The following FMNL2 variants were observed in gnomAD, a reference collection of about 807,000 sequenced individuals.
FMNL2 encodes the protein formin-like protein 2.
Under a neutral mutation model 130.2 loss-of-function variants are expected in FMNL2, and 51 were observed. The ratio of observed to expected loss-of-function variants is 0.39; its 90% CI spans 0.31 to 0.49. FMNL2 has a LOEUF of 0.49. Among genes scored for constraint, FMNL2 ranks in the 20% least tolerant of loss-of-function variants. The pLI, the probability that FMNL2 is intolerant of heterozygous loss-of-function variation, is 0.85. For missense variants in FMNL2, 977 were observed against 1,316.2 expected, an observed-to-expected ratio of 0.74 and a Z score of 3.99; for synonymous variants, 465 against 467.1, an observed-to-expected ratio of 1.00 and a Z score of 0.06.
At chr2:152,641,562 T>C (rs1273047302) in intron 25 of FMNL2, among the ~76,000 whole-genome samples, 2 of 152,242 alleles carry the variant, frequency 1.3e-5, no homozygotes, top group Non-Finnish European at 2.9e-5. Flanking sequence ...TGCACATGAA[T>C]GTTGCTTATA....
Position 152,561,001 on chromosome 2 carries a change from A to G in FMNL2, c.562A>G (p.Ser188Gly). Residue 188 changes from serine (S) to glycine (G), a missense_variant, in exon 6 of 26, where the codon AGT becomes GGT. Ser to Gly is a moderately conservative substitution (Grantham distance 56). Transcript: ENST00000288670. ...GSNLPSPVGN[S>G]VSRSGRHSAL... is the part of the protein sequence containing the mutation. ...CAACCTGCCCTCACCTGTGGGCAAC[A>G]GTGTCTCCCGCTCTGGAAGACATTC... 8 of 1,603,718 alleles carry G rather than the reference A, an allele frequency of 5.0e-6. No individual in the cohort carries two copies. Among genetic ancestry groups the G allele is most frequent in the Non-Finnish European group, 6.8e-6 (8 of 1,174,934 alleles).
chr2:152,601,667 C>CTTTTTTTT (rs36031692), intron 9 of FMNL2, among the ~76,000 whole-genome samples: 2 of 132,240 alleles, frequency 1.5e-5, no homozygotes, highest in Non-Finnish European at 3.1e-5. Context: ...CTTTTCTTTT[C>CTTTTTTTT]TTTCTTTTTT....
chr2:152,405,196 CT>C (rs1685917419), intron 1 of FMNL2, among the ~76,000 whole-genome samples: 1 of 152,128 alleles, frequency 6.6e-6, no homozygotes, highest in South Asian at 2.1e-4. Flanking sequence ...GTTTTTACTC[CT>C]TTGGCTATAA....
chr2:152,471,866 A>G (rs1232858106), intron 1 of FMNL2, among the ~76,000 whole-genome samples: 1 of 152,132 alleles, frequency 6.6e-6, no homozygotes, highest in African/African-American at 2.4e-5. Flanking sequence ...GCATAATGAA[A>G]GCTTTTGAAA....
At chr2:152,341,370 GT>G (rs1194756874) in intron 1 of FMNL2, among the ~76,000 whole-genome samples, 5 of 152,210 alleles carry the variant, frequency 3.3e-5, no homozygotes, top group Non-Finnish European at 5.9e-5. Flanking sequence ...TAGGATAGAA[GT>G]TGATCAAATG....
intron 1 of FMNL2, among the ~76,000 whole-genome samples, chr2:152,397,104 G>A (rs73967856): frequency 0.14 from 21,117 of 152,152 alleles, 1,771 homozygotes; most frequent in African/African-American, 0.21. Context: ...TTAAGGTTAC[G>A]TGTATTTTGG....
intron 15 of FMNL2, chr2:152,621,189 G>A (rs1429014231): frequency 1.1e-6 from 1 of 946,160 alleles, no homozygotes; most frequent in Admixed American, 6.2e-5. Context: ...GCTGTGAGAT[G>A]TGTCTGCTGT....
At position 152,648,867 on chromosome 2, in the gene FMNL2, G is replaced by C. The variant is rs1434428922; in HGVS notation, c.*962G>C. 6.6e-6 allele frequency: 1 copy of C among 152,568 alleles called. No individual in the cohort carries two copies. The highest frequency in any genetic ancestry group is 1.5e-5 in the Non-Finnish European group (1 of 68,034). 9.5% of individuals were successfully genotyped at this position (152,568 alleles called of 1,614,324 possible). ...CGTGTATCGAGGCTAAGTTTTTCAT[G>C]CATTTCCCAGACTACTTATGGAGAA... On this transcript the variant is annotated 3_prime_UTR_variant, in exon 26 of 26. Coordinates refer to ENST00000288670, the MANE Select transcript of FMNL2 (RefSeq NM_052905.4).
At chr2:152,397,655 CTT>C in intron 1 of FMNL2, among the ~76,000 whole-genome samples, 1 of 151,410 alleles carries the variant, frequency 6.6e-6, no homozygotes, top group African/African-American at 2.4e-5. Context: ...TCTCTTCCTC[CTT>C]TTTTTTTCTT....
intron 1 of FMNL2, among the ~76,000 whole-genome samples, chr2:152,440,885 T>G (rs1688014875): frequency 6.6e-6 from 1 of 152,238 alleles, no homozygotes. Flanking sequence ...GAAATATGAC[T>G]AAATCTTGCC....
intron 4 of FMNL2, among the ~76,000 whole-genome samples, 159 bp downstream of exon 4, chr2:152,549,256 G>GC (rs5835433): frequency 0.41 from 62,994 of 151,912 alleles, 13,613 homozygotes; most frequent in Admixed American, 0.52. Flanking sequence ...ATTACTTACT[G>GC]CCCAAGAATC....
chr2:152,344,266 A>G (rs1681980394), intron 1 of FMNL2, among the ~76,000 whole-genome samples: 1 of 152,194 alleles, frequency 6.6e-6, no homozygotes, highest in African/African-American at 2.4e-5. Flanking sequence ...AAAGCTCCCT[A>G]GAAGGTTTGA....
At chr2:152,436,201 T>C (rs1687753573) in intron 1 of FMNL2, among the ~76,000 whole-genome samples, 1 of 152,094 alleles carries the variant, frequency 6.6e-6, no homozygotes, top group Admixed American at 6.6e-5. Flanking sequence ...GGTCTGGCTT[T>C]ATCACCCAGG....
At chr2:152,470,765 C>T (rs1007364345) in intron 1 of FMNL2, among the ~76,000 whole-genome samples, 5 of 152,068 alleles carry the variant, frequency 3.3e-5, no homozygotes, top group African/African-American at 1.2e-4. Context: ...ATATGCAGTT[C>T]CAGGAAGGAG....
At chr2:152,513,398 A>G (rs1692590625) in intron 1 of FMNL2, among the ~76,000 whole-genome samples, 1 of 152,224 alleles carries the variant, frequency 6.6e-6, no homozygotes, top group South Asian at 2.1e-4. Context: ...TTAGATCTTC[A>G]GAATTTATTC....
intron 1 of FMNL2, among the ~76,000 whole-genome samples, chr2:152,449,106 T>C (rs1328698985): frequency 1.3e-5 from 2 of 152,216 alleles, no homozygotes; most frequent in Non-Finnish European, 2.9e-5. Flanking sequence ...TTTCTCTTTT[T>C]GTAAATGCTT....
At chr2:152,534,522 T>C (rs760529276) in intron 2 of FMNL2, among the ~76,000 whole-genome samples, 2 of 151,766 alleles carry the variant, frequency 1.3e-5, no homozygotes, top group Non-Finnish European at 2.9e-5. Context: ...TGCTCTTGAA[T>C]TGCCTAATGG....
At chr2:152,602,044 G>T (rs947678008) in intron 9 of FMNL2, among the ~76,000 whole-genome samples, 1 of 152,186 alleles carries the variant, frequency 6.6e-6, no homozygotes, top group Non-Finnish European at 1.5e-5. Flanking sequence ...TAACAACAGG[G>T]TAGTGGCTGA....
intron 1 of FMNL2, among the ~76,000 whole-genome samples, chr2:152,363,177 T>A (rs1292563126): frequency 6.6e-6 from 1 of 152,170 alleles, no homozygotes; most frequent in South Asian, 2.1e-4. Context: ...CATGGGTGAA[T>A]CATATGCTAT....
Sources: allele counts gnomAD v4.1 joint callset (sites outside exome capture counted in the v4.1 genomes callset), GRCh38; gene constraint gnomAD v4.1.1; transcripts MANE v1.5; gene names NCBI Gene and HGNC (gene_info 2026-07-23, HGNC 2026-07-21).